SLC36A1: variants seen among roughly 807,000 people sequenced by gnomAD.
SLC36A1 encodes the protein proton-coupled amino acid transporter 1.
A neutral mutation model predicts 47.5 loss-of-function variants in SLC36A1; 30 were observed. The observed-to-expected ratio is 0.63, with a 90% CI of 0.47 to 0.86. SLC36A1 has a LOEUF of 0.86. Among genes scored for constraint, SLC36A1 ranks in the 40% least tolerant of loss-of-function variants. The pLI is 0.00. For missense variants in SLC36A1, 517 were observed against 606.0 expected, an observed-to-expected ratio of 0.85 and a Z score of 1.54; for synonymous variants, 255 against 249.7, an observed-to-expected ratio of 1.02 and a Z score of -0.20.
the SLC36A1 span, among the ~76,000 whole-genome samples, chr5:151,498,151 G>T: frequency 6.6e-6 from 1 of 151,962 alleles, no homozygotes; most frequent in Admixed American, 6.6e-5. Context: ...CACCATGTTG[G>T]CCAGGCTGGT....
chr5:151,475,650 G>A (rs1561771971), intron 8 of SLC36A1, among the ~76,000 whole-genome samples: 1 of 152,214 alleles, frequency 6.6e-6, no homozygotes, highest in Non-Finnish European at 1.5e-5. Context: ...TGGATTAACT[G>A]AAGCTGGAGC....
chr5:151,448,235 T>G (rs1264900143), intron 1 of SLC36A1, among the ~76,000 whole-genome samples: 1 of 152,214 alleles, frequency 6.6e-6, no homozygotes, highest in African/African-American at 2.4e-5. Flanking sequence ...GGGTAAGGGC[T>G]TGCCTAAGGT....
At chr5:151,530,251 G>GAA in the SLC36A1 span, among the ~76,000 whole-genome samples, 5 of 128,710 alleles carry the variant, frequency 3.9e-5, no homozygotes, top group Non-Finnish European at 6.7e-5. Context: ...CTTAACACCA[G>GAA]AAAAAAAAAA....
chr5:151,472,470 A>G (rs180818222), intron 7 of SLC36A1, among the ~76,000 whole-genome samples: 22 of 152,362 alleles, frequency 1.4e-4, no homozygotes, highest in African/African-American at 4.1e-4. Flanking sequence ...CCTTCAGTGC[A>G]ATCAAGTTGA....
chr5:151,550,791 C>T, the SLC36A1 span: 2 of 1,614,030 alleles, frequency 1.2e-6, no homozygotes, highest in South Asian at 1.1e-5. Context: ...GCACGGTGTC[C>T]TGGGGAACTC....
intron 1 of SLC36A1, among the ~76,000 whole-genome samples, chr5:151,441,680 G>A (rs1212859582): frequency 1.3e-5 from 2 of 152,010 alleles, no homozygotes; most frequent in Non-Finnish European, 2.9e-5. Flanking sequence ...TTGGGGAAAG[G>A]GGATTTTCAA....
upstream of SLC36A1, among the ~76,000 whole-genome samples, chr5:151,443,617 C>G (rs1202486512): frequency 5.3e-5 from 8 of 152,184 alleles, no homozygotes; most frequent in African/African-American, 1.9e-4. Flanking sequence ...TCATAAGCTG[C>G]CGTTACACTT....
At chr5:151,505,991 G>A in the SLC36A1 span, 1 of 1,572,968 alleles carries the variant, frequency 6.4e-7, no homozygotes, top group Non-Finnish European at 8.6e-7. Flanking sequence ...TTGAGTGGCG[G>A]TGAGCCGAGG....
At chr5:151,543,819 A>G in the SLC36A1 span, 479 of 1,613,928 alleles carry the variant, frequency 3.0e-4, no homozygotes, top group Non-Finnish European at 3.9e-4. Context: ...TGAACATAGA[A>G]ATTATTCCCG....
At chr5:151,507,553 G>A in the SLC36A1 span, 2 of 1,614,044 alleles carry the variant, frequency 1.2e-6, no homozygotes, top group Non-Finnish European at 1.7e-6. Context: ...TCCCCCCTTT[G>A]GATCTCGGGA....
the SLC36A1 span, chr5:151,380,252 C>T: frequency 1.3e-5 from 3 of 224,400 alleles, no homozygotes; most frequent in Middle Eastern, 3.5e-3. Flanking sequence ...TGGGAGGCTG[C>T]GGCGGGCGGA....
the SLC36A1 span, among the ~76,000 whole-genome samples, chr5:151,356,888 G>A: frequency 1.2e-4 from 18 of 152,068 alleles, no homozygotes; most frequent in Non-Finnish European, 2.6e-4. Context: ...GGATCAATAA[G>A]GAAGAAAAAA....
At chr5:151,441,970 G>T (rs1752658829) in intron 1 of SLC36A1, among the ~76,000 whole-genome samples, 1 of 151,950 alleles carries the variant, frequency 6.6e-6, no homozygotes, top group Non-Finnish European at 1.5e-5. Context: ...TGGCTGATGT[G>T]TGTTTTCCAT....
rs371431768 is a variant in SLC36A1, at chr5:151,467,846, G to A, written c.644G>A (p.Arg215Gln). Residue 215 changes from arginine to glutamine, a missense_variant, in exon 7 of 11, where the codon CGA (arginine) becomes CAA (glutamine). By Grantham distance (43) the Arg-to-Gln change is conservative. Coordinates refer to ENST00000243389, the MANE Select transcript of SLC36A1 (RefSeq NM_078483.4). ...CTGCTGGTTTTCATCAGGAACCTCC[G>A]AGCCCTGTCCATCTTCTCCCTGTTG... ...LVLLVFIRNL[R>Q]ALSIFSLLAN... The A allele has an allele frequency of 7.8e-5, 126 of 1,613,596 alleles. No individual in the cohort carries two copies. Among genetic ancestry groups the A allele is most frequent in the Non-Finnish European group, 1.0e-4 (120 of 1,179,966 alleles).
chr5:151,445,963 G>GATTTATT (rs1752892997), upstream of SLC36A1, among the ~76,000 whole-genome samples: 1 of 148,770 alleles, frequency 6.7e-6, no homozygotes, highest in Non-Finnish European at 1.5e-5. Flanking sequence ...TTTTTCTGTT[G>GATTTATT]TCTATTTGAT....
chr5:151,478,086 A>C (rs926929276), intron 9 of SLC36A1, among the ~76,000 whole-genome samples: 2 of 152,204 alleles, frequency 1.3e-5, no homozygotes, highest in African/African-American at 4.8e-5. Context: ...TCATGGAGCA[A>C]GTATGACCTT....
chr5:151,521,550 A>G, the SLC36A1 span: 1,187,493 of 1,614,006 alleles, frequency 0.74, 439,632 homozygotes, highest in East Asian at 0.95. Flanking sequence ...CCAGGAGCAC[A>G]TCCACACCAG....
chr5:151,477,482 AG>A (rs35002039), intron 9 of SLC36A1: 1 of 152,464 alleles, frequency 6.6e-6, no homozygotes, highest in Admixed American at 6.5e-5. Context: ...CAGTATTTCC[AG>A]GGGCTTTCCC....
Position 151,491,730 on chromosome 5 carries a change from C to T in SLC36A1, c.*3476C>T, listed in dbSNP as rs1760136097. The T allele has an allele frequency of 6.6e-6, 1 of 152,652 alleles. No individual in the cohort carries two copies. The highest frequency in any genetic ancestry group is 2.4e-5 in the African/African-American group (1 of 41,450). 9.5% of individuals were successfully genotyped at this position (152,652 alleles called of 1,614,324 possible). On this transcript the variant is annotated 3_prime_UTR_variant, in exon 11 of 11. Coordinates refer to ENST00000243389, the MANE Select transcript of SLC36A1 (RefSeq NM_078483.4). Reference sequence around the variant, plus strand: ...TCAGCATCTGCCCCTGCTGGGTGCACAATGCTGCTTCCTCGAAGAGAAGAC... The same window carrying T: ...TCAGCATCTGCCCCTGCTGGGTGCATAATGCTGCTTCCTCGAAGAGAAGAC...
Sources: gnomAD v4.1 joint callset for allele counts (sites outside exome capture counted in the v4.1 genomes callset) on GRCh38, gnomAD v4.1.1 for gene constraint, MANE v1.5 for transcripts, NCBI Gene and HGNC (gene_info 2026-07-23, HGNC 2026-07-21) for gene names.